The following KCND2 variants were observed in gnomAD, a reference collection of about 807,000 sequenced individuals.
KCND2 encodes potassium voltage-gated channel subfamily D member 2.
In KCND2, 16 loss-of-function variants were observed where a neutral mutation model predicts 54.4. That is an observed-to-expected ratio of 0.29 (90% CI 0.20 to 0.45). KCND2 has a LOEUF of 0.45. Among genes scored for constraint, KCND2 ranks in the 20% least tolerant of loss-of-function variants. The pLI is 1.00. For synonymous variants in KCND2, 317 were observed against 310.7 expected (o/e 1.02, Z -0.21); for missense variants, 486 against 824.2 (o/e 0.59, Z 5.02).
chr7:120,642,282 G>A (rs1462396184), intron 1 of KCND2, among the ~76,000 whole-genome samples: 2 of 151,834 alleles, frequency 1.3e-5, no homozygotes, highest in East Asian at 3.9e-4. Context: ...GGGCCCGGTG[G>A]CTCACGCCTG....
intron 1 of KCND2, among the ~76,000 whole-genome samples, chr7:120,427,781 A>G (rs893421603): frequency 1.8e-4 from 28 of 152,268 alleles, no homozygotes; most frequent in African/African-American, 6.3e-4. Flanking sequence ...TTCTCATTCC[A>G]TTGCTGCTGT....
intron 2 of KCND2, among the ~76,000 whole-genome samples, chr7:120,738,187 T>G (rs1038632074): frequency 3.9e-5 from 6 of 152,076 alleles, no homozygotes; most frequent in African/African-American, 1.4e-4. Context: ...GCAGATTATA[T>G]ATCCCTGTTC....
At chr7:120,673,413 G>A (rs548427219) in intron 1 of KCND2, among the ~76,000 whole-genome samples, 15 of 152,114 alleles carry the variant, frequency 9.9e-5, no homozygotes, top group African/African-American at 3.6e-4. Flanking sequence ...TTATTCTTAT[G>A]CTGATAGTTG....
intron 1 of KCND2, among the ~76,000 whole-genome samples, chr7:120,479,796 C>CAAAA (rs771337674): frequency 4.6e-4 from 35 of 75,388 alleles, no homozygotes; most frequent in Middle Eastern, 8.3e-3. Context: ...TACACACACA[C>CAAAA]AAAAAAAAAA....
intron 1 of KCND2, among the ~76,000 whole-genome samples, chr7:120,525,591 G>T (rs2116354861): frequency 6.6e-6 from 1 of 152,246 alleles, no homozygotes; most frequent in Non-Finnish European, 1.5e-5. Context: ...CACAGACTTG[G>T]TGAATTCATG....
intron 1 of KCND2, among the ~76,000 whole-genome samples, chr7:120,630,154 A>G (rs1793215508): frequency 6.6e-6 from 1 of 152,206 alleles, no homozygotes; most frequent in Non-Finnish European, 1.5e-5. Flanking sequence ...CTCAAAAGAC[A>G]GTGTAGATAA....
At chr7:120,328,272 T>C (rs916273906) in intron 1 of KCND2, among the ~76,000 whole-genome samples, 3 of 152,158 alleles carry the variant, frequency 2.0e-5, no homozygotes, top group African/African-American at 7.2e-5. Flanking sequence ...AATTTTTTAC[T>C]TGATACTTGA....
intron 1 of KCND2, among the ~76,000 whole-genome samples, chr7:120,415,697 G>A (rs1415431633): frequency 6.6e-6 from 1 of 152,004 alleles, no homozygotes; most frequent in Non-Finnish European, 1.5e-5. Context: ...ATGGCATTAG[G>A]CCAAAACCTG....
In KCND2 at chr7:120,313,664, T is replaced by C. The variant is rs114550184; in HGVS notation, c.1115+37917T>C. Among the ~76,000 whole-genome samples the C allele has an allele frequency of 1.0e-3, 156 of 152,240 alleles. 1 individual carries two copies. Among genetic ancestry groups the C allele is most frequent in the African/African-American group, 3.7e-3 (153 of 41,552 alleles). On this transcript the variant is annotated intron_variant, in intron 1 of 5. Transcript: ENST00000331113. ...GCCTTGTTGGTAGTTTCCAAATTAC[T>C]TCTAGTTCTGTCTCTGCTGGTAGAA...
intron 1 of KCND2, among the ~76,000 whole-genome samples, chr7:120,399,715 T>G (rs1412695014): frequency 6.6e-6 from 1 of 151,374 alleles, no homozygotes; most frequent in Admixed American, 6.6e-5. Context: ...TTTATTTATT[T>G]ATTTATTTAT....
intron 1 of KCND2, among the ~76,000 whole-genome samples, chr7:120,478,928 T>A (rs1339507438): frequency 6.6e-6 from 1 of 152,200 alleles, no homozygotes; most frequent in Non-Finnish European, 1.5e-5. Context: ...TGATTATGTA[T>A]TTTTACACAA....
intron 1 of KCND2, among the ~76,000 whole-genome samples, chr7:120,694,169 G>T (rs1792306048): frequency 6.6e-6 from 1 of 152,188 alleles, no homozygotes; most frequent in Non-Finnish European, 1.5e-5. Context: ...TTTGTGTGTA[G>T]GGTCTCTGGC....
intron 1 of KCND2, among the ~76,000 whole-genome samples, chr7:120,474,827 A>T (rs191985675): frequency 3.3e-5 from 5 of 152,292 alleles, no homozygotes; most frequent in Admixed American, 1.3e-4. Flanking sequence ...TTGTCACTTT[A>T]GTCTTTGCTA....
At chr7:120,412,043 C>T (rs1383354751) in intron 1 of KCND2, among the ~76,000 whole-genome samples, 3 of 151,926 alleles carry the variant, frequency 2.0e-5, no homozygotes, top group Non-Finnish European at 2.9e-5. Context: ...TATTGTACTA[C>T]CTTTTATTTT....
At chr7:120,527,262 C>T (rs10488301) in intron 1 of KCND2, among the ~76,000 whole-genome samples, 30,653 of 151,962 alleles carry the variant, frequency 0.2, 4,017 homozygotes, top group Non-Finnish European at 0.28. Flanking sequence ...ATGTTGCAAG[C>T]TAAGTATAGT....
chr7:120,491,160 A>G (rs1224761919), intron 1 of KCND2, among the ~76,000 whole-genome samples: 1 of 152,158 alleles, frequency 6.6e-6, no homozygotes, highest in Non-Finnish European at 1.5e-5. Flanking sequence ...TTAGATTCTG[A>G]GTCACATTTA....
chr7:120,692,562 C>T (rs984317478), intron 1 of KCND2, among the ~76,000 whole-genome samples: 5 of 152,140 alleles, frequency 3.3e-5, no homozygotes, highest in Non-Finnish European at 7.3e-5. Flanking sequence ...CAGGCACAGT[C>T]CTTTAATACA....
intron 1 of KCND2, among the ~76,000 whole-genome samples, chr7:120,452,847 T>G (rs985435905): frequency 6.6e-6 from 1 of 152,084 alleles, no homozygotes; most frequent in Admixed American, 6.5e-5. Context: ...GGGGTAACTG[T>G]AGGAACTAGG....
chr7:120,747,861 C>A lies in KCND2; in HGVS notation c.*3C>A. ...TTGTCAGAGTTTCTGCTTTGTAAGA[C>A]AATTGGAATAAGGTCTAAGAGAATT... is the stretch of plus-strand genomic sequence containing the variant. On this transcript the variant is annotated 3_prime_UTR_variant, in exon 6 of 6. Transcript: ENST00000331113. 1.9e-6 allele frequency: 3 copies of A among 1,607,600 alleles called. No homozygotes were observed. Among genetic ancestry groups the A allele is most frequent in the Non-Finnish European group, 1.7e-6 (2 of 1,175,174 alleles).
Sources: gnomAD v4.1 joint callset for allele counts (sites outside exome capture counted in the v4.1 genomes callset) on GRCh38, gnomAD v4.1.1 for gene constraint, MANE v1.5 for transcripts, NCBI Gene and HGNC (gene_info 2026-07-23, HGNC 2026-07-21) for gene names.